LRBA: variants seen among roughly 807,000 people sequenced by gnomAD.
LRBA encodes LPS responsive beige-like anchor protein.
A neutral mutation model predicts 330.0 loss-of-function variants in LRBA; 176 were observed. The observed-to-expected ratio is 0.53, with a 90% CI of 0.47 to 0.60. The LOEUF (loss-of-function observed/expected upper bound fraction) is 0.60. Ranked by LOEUF, LRBA falls within the 20% of genes least tolerant of loss-of-function variation. The pLI is 0.00. For synonymous variants in LRBA, 1,230 were observed against 1,193.0 expected (o/e 1.03, Z -0.64); for missense variants, 3,259 against 3,444.8 (o/e 0.95, Z 1.35).
At position 150,915,692 on chromosome 4, in the gene LRBA, T is replaced by A. The variant is rs1732505848; in HGVS notation, c.930A>T (p.Arg310=). ...AACATCGAAGTTCACTATTCTTCCA[T>A]CGGTTATAGATGTGTACTATGGTAA... ...YMVTIVHIYN[R]WKNSELRCYV... is the part of the protein sequence containing the mutation. Residue 310 remains arginine (R), a synonymous_variant, in exon 8 of 57, where the codon CGA becomes CGT. Transcript: ENST00000651943. The A allele has an allele frequency of 6.2e-7, 1 of 1,612,658 alleles. No individual in the cohort carries two copies. Among genetic ancestry groups the A allele is most frequent in the Non-Finnish European group, 8.5e-7 (1 of 1,179,136 alleles).
intron 5 of LRBA, among the ~76,000 whole-genome samples, chr4:150,917,573 A>G (rs1293499661): frequency 6.6e-6 from 1 of 152,172 alleles, no homozygotes; most frequent in African/African-American, 2.4e-5. Flanking sequence ...CTTGGTTTAG[A>G]TTTTTATTTA....
In LRBA at chr4:150,870,576, T is replaced by C. The variant is rs755716022; in HGVS notation, c.2398A>G (p.Ile800Val). The C allele has an allele frequency of 6.9e-6, 11 of 1,585,598 alleles. No individual in the cohort carries two copies. Reference sequence around the variant, plus strand: ...TCAGGATCTGGATGCTGTTTATGTATCACCTGAGTACCAATCTGTTCTATA... The same window carrying C: ...TCAGGATCTGGATGCTGTTTATGTACCACCTGAGTACCAATCTGTTCTATA... The part of the protein sequence containing the change: ...ILIEQIGTQV[I>V]HKQHPDPDSS... The change falls in exon 20 of 57, where the codon ATA (isoleucine) becomes GTA (valine). Residue 800 changes from isoleucine to valine, a missense_variant. Coordinates refer to ENST00000651943, the MANE Select transcript of LRBA (RefSeq NM_001364905.1).
Position 150,265,771 on chromosome 4 carries a change from A to C in LRBA, c.8510T>G (p.Phe2837Cys), listed in dbSNP as rs1745222266. 5 of 1,613,624 alleles carry C rather than the reference A, an allele frequency of 3.1e-6. No individual in the cohort carries two copies. The East Asian group carries it at 1.1e-4, about 36-fold the overall frequency. ...ATGCCACCGGTTAAAGTCGTTGTAA[A>C]ATAGCACAATGCTTCCTGAAGCCAT... ...SGMASGSIVL[F>C]YNDFNRWHHE... Residue 2837 changes from phenylalanine to cysteine, a missense_variant, in exon 57 of 57, where the codon TTT (phenylalanine) becomes TGT (cysteine). By Grantham distance (205) the Phe-to-Cys change is radical (BLOSUM62 -2). Transcript: ENST00000651943.
intron 37 of LRBA, among the ~76,000 whole-genome samples, chr4:150,606,369 A>G (rs1484633011): frequency 1.3e-5 from 2 of 152,102 alleles, no homozygotes; most frequent in African/African-American, 2.4e-5. Flanking sequence ...CAGCCTCACT[A>G]TTTAGACAAA....
intron 47 of LRBA, among the ~76,000 whole-genome samples, chr4:150,357,664 TTA>T (rs965780275): frequency 2.3e-4 from 34 of 148,840 alleles, no homozygotes; most frequent in African/African-American, 6.7e-4. Flanking sequence ...TTTTTTTTTT[TTA>T]AAAAAAACCT....
intron 44 of LRBA, among the ~76,000 whole-genome samples, chr4:150,446,540 T>C (rs543881805): frequency 1.3e-5 from 2 of 152,286 alleles, no homozygotes; most frequent in East Asian, 1.9e-4. Flanking sequence ...GCAGTTGTAT[T>C]CCTAGAAAAA....
intron 37 of LRBA, among the ~76,000 whole-genome samples, chr4:150,612,216 C>T (rs188499902): frequency 1.4e-3 from 211 of 152,244 alleles, no homozygotes; most frequent in African/African-American, 4.8e-3. Flanking sequence ...AAAAAAAAGT[C>T]ACCCTCCATA....
At chr4:150,272,341 AAGAT>A (rs1438073232) in intron 56 of LRBA, among the ~76,000 whole-genome samples, 4 of 152,182 alleles carry the variant, frequency 2.6e-5, no homozygotes, top group East Asian at 3.9e-4. Flanking sequence ...AGACTAAAGA[AAGAT>A]AGATAAATCC....
intron 48 of LRBA, among the ~76,000 whole-genome samples, chr4:150,334,672 C>A (rs1277690550): frequency 2.6e-5 from 4 of 151,778 alleles, no homozygotes; most frequent in Non-Finnish European, 5.9e-5. Flanking sequence ...ATACTTTCCT[C>A]ATTTTTATAC....
intron 51 of LRBA, among the ~76,000 whole-genome samples, chr4:150,312,984 A>C (rs1003769141): frequency 1.3e-5 from 2 of 151,814 alleles, no homozygotes; most frequent in Admixed American, 6.6e-5. Context: ...AATATAATTA[A>C]ATAAATACAT....
intron 52 of LRBA, among the ~76,000 whole-genome samples, chr4:150,304,368 A>G (rs1395812574): frequency 6.6e-6 from 1 of 152,170 alleles, no homozygotes; most frequent in Non-Finnish European, 1.5e-5. Flanking sequence ...AAATTCTGAA[A>G]TATTATCTAA....
chr4:150,977,737 AAGCGAACATTGGC>A (rs1740357355), intron 2 of LRBA, among the ~76,000 whole-genome samples: 1 of 152,208 alleles, frequency 6.6e-6, no homozygotes, highest in African/African-American at 2.4e-5. Flanking sequence ...CTTGGGCCTT[AAGCGAACATTGGC>A]AGTAACCTGG....
Position 150,386,789 on chromosome 4 carries a change from G to A in LRBA, c.7194+28649C>T, listed in dbSNP as rs183598102. ...CCTTTGGGTATATACCCAGTAATGG[G>A]ATTGCTGGGTCAAATGGTGTGTCTG... On this transcript the variant is annotated intron_variant, in intron 47 of 56. Coordinates refer to ENST00000651943, the MANE Select transcript of LRBA (RefSeq NM_001364905.1). Among the ~76,000 whole-genome samples the A allele has an allele frequency of 2.0e-5, 3 of 152,230 alleles. No individual in the cohort carries two copies. The East Asian group carries it at 5.8e-4, about 29-fold the overall frequency.
intron 13 of LRBA, among the ~76,000 whole-genome samples, chr4:150,903,022 C>T (rs780136302): frequency 1.3e-5 from 2 of 152,086 alleles, no homozygotes; most frequent in Non-Finnish European, 2.9e-5. Context: ...CTAACTACTT[C>T]GTTCTGAGAA....
intron 36 of LRBA, among the ~76,000 whole-genome samples, chr4:150,696,953 G>C (rs897425912): frequency 7.9e-5 from 12 of 151,066 alleles, no homozygotes; most frequent in Admixed American, 7.9e-4. Context: ...AGTTGAGGCT[G>C]TACTGAGCCG....
chr4:150,436,799 A>G lies in LRBA; in HGVS notation c.6846T>C (p.Asp2282=), dbSNP rs138518902. ...CATAGTGAAACTTTGGAACTTGATCATCTTCCCATGATTCATAACGCTCAG... is the reference window on the plus strand; with the variant it reads ...CATAGTGAAACTTTGGAACTTGATCGTCTTCCCATGATTCATAACGCTCAG... ...FFAERYESWE[D]DQVPKFHYGT... Residue 2282 remains aspartate, a synonymous_variant, in exon 45 of 57, where the codon GAT becomes GAC. Coordinates refer to ENST00000651943, the MANE Select transcript of LRBA (RefSeq NM_001364905.1). 1 of 1,613,754 alleles carries G rather than the reference A, an allele frequency of 6.2e-7. No homozygotes were observed. Among genetic ancestry groups the G allele is most frequent in the Non-Finnish European group, 8.5e-7 (1 of 1,179,786 alleles).
At chr4:150,993,060 T>C (rs1007782451) in intron 2 of LRBA, among the ~76,000 whole-genome samples, 3 of 152,078 alleles carry the variant, frequency 2.0e-5, no homozygotes, top group African/African-American at 4.8e-5. Context: ...GGCAGGAGGA[T>C]TGTTTGAGCC....
chr4:150,635,363 A>G (rs1777789803), intron 37 of LRBA, among the ~76,000 whole-genome samples: 1 of 152,204 alleles, frequency 6.6e-6, no homozygotes, highest in East Asian at 1.9e-4. Flanking sequence ...GCTTACCCAA[A>G]TATATGTTAA....
At chr4:150,656,578 G>A (rs1780207634) in intron 37 of LRBA, among the ~76,000 whole-genome samples, 1 of 152,104 alleles carries the variant, frequency 6.6e-6, no homozygotes, top group Admixed American at 6.6e-5. Flanking sequence ...GGCTGCCACA[G>A]AACTACTCAG....
Sources: allele counts gnomAD v4.1 joint callset (sites outside exome capture counted in the v4.1 genomes callset), GRCh38; gene constraint gnomAD v4.1.1; transcripts MANE v1.5; gene names NCBI Gene and HGNC (gene_info 2026-07-23, HGNC 2026-07-21).